EFCAB5: variants seen among roughly 807,000 people sequenced by gnomAD.
The protein encoded by EFCAB5 is EF-hand calcium binding domain 5, also known as EF-hand calcium-binding domain-containing protein 5.
EFCAB5 carries 131 observed loss-of-function variants against 167.9 expected under a neutral mutation model. That is an observed-to-expected ratio of 0.78 (90% CI 0.68 to 0.90). The LOEUF is 0.90. Ranked by LOEUF, EFCAB5 falls within the 40% of genes least tolerant of loss-of-function variation. EFCAB5 has a pLI of 0.00. For synonymous variants in EFCAB5, 574 were observed against 602.8 expected (o/e 0.95, Z 0.70); for missense variants, 1,663 against 1,745.2 (o/e 0.95, Z 0.84).
chr17:30,016,101 T>C (rs2069034374), intron 7 of EFCAB5, among the ~76,000 whole-genome samples: 1 of 152,240 alleles, frequency 6.6e-6, no homozygotes, highest in Admixed American at 6.5e-5. Context: ...GGATCATAAC[T>C]GTTCTTTATA....
chr17:30,020,391 G>T lies in EFCAB5; in HGVS notation c.1045-13839G>T, dbSNP rs1335183664. 9.8e-5 allele frequency among the ~76,000 whole-genome samples: 14 copies of T among 142,628 alleles called. No individual in the cohort carries two copies. In the Admixed American group the frequency reaches 1.0e-3, roughly 10 times the overall value. The allele number at this position is 142,628 out of a possible 152,430, so 93.6% of individuals were successfully genotyped here. Reference sequence around the variant, plus strand: ...TTTTCTTTTTTTTTTTTGAGACAGAGTCTCTCTCTGTTGCCCAGGCTTGAA... The same window carrying T: ...TTTTCTTTTTTTTTTTTGAGACAGATTCTCTCTCTGTTGCCCAGGCTTGAA... On this transcript the variant is annotated intron_variant, in intron 7 of 22. Coordinates refer to ENST00000394835, the MANE Select transcript of EFCAB5 (RefSeq NM_198529.4).
chr17:30,053,240 T>C lies in EFCAB5; in HGVS notation c.1301-15T>C. The C allele has an allele frequency of 2.6e-6, 4 of 1,568,170 alleles. No individual in the cohort carries two copies. The highest frequency in any genetic ancestry group is 3.5e-6 in the Non-Finnish European group (4 of 1,158,946). ...AGATCAATGGTTTAAGTGAATATTT[T>C]GTTTTCTGCATTAGGGCCATTCATT... On this transcript the variant is annotated splice_polypyrimidine_tract_variant and intron_variant, in intron 9 of 22. Coordinates refer to ENST00000394835, the MANE Select transcript of EFCAB5 (RefSeq NM_198529.4).
At chr17:30,099,428 TA>T (rs56120836) in intron 22 of EFCAB5, among the ~76,000 whole-genome samples, 378 of 149,780 alleles carry the variant, frequency 2.5e-3, no homozygotes, top group African/African-American at 8.0e-3. Flanking sequence ...CTTAATCTCT[TA>T]AAAAAAAAAA....
intron 14 of EFCAB5, among the ~76,000 whole-genome samples, chr17:30,061,584 C>A (rs1025746660): frequency 6.6e-6 from 1 of 151,766 alleles, no homozygotes; most frequent in Non-Finnish European, 1.5e-5. Context: ...CCCTCCCCAC[C>A]TTTTTTTTAG....
Position 29,993,219 on chromosome 17 carries a change from A to G in EFCAB5, c.822A>G (p.Ile274Met). Residue 274 changes from isoleucine to methionine, a missense_variant, in exon 5 of 23, where the codon ATA becomes ATG. Ile to Met is a conservative substitution (Grantham distance 10). Coordinates refer to ENST00000394835, the MANE Select transcript of EFCAB5 (RefSeq NM_198529.4). ...AGAATAGAAAACAAAGAGAAAGCAT[A>G]GACAAAATCATAGTCAAGGTGGCCA... The part of the protein sequence containing the change: ...VKQNRKQRES[I>M]DKIIVKVANT... 1 of 1,613,774 alleles carries G rather than the reference A, an allele frequency of 6.2e-7. No individual in the cohort carries two copies. The highest frequency in any genetic ancestry group is 8.5e-7 in the Non-Finnish European group (1 of 1,179,774).
rs558823437 is a variant in EFCAB5, at chr17:30,089,110, G to GC, written c.3684-1307dup. The stretch of plus-strand genomic sequence containing the variant: ...CCCCCTTCCCTCCACCCCACGACAG[G>GC]CCCCGGTGTGTGATGTTCCCCACCC... On this transcript the variant is annotated intron_variant, in intron 19 of 22. Transcript: ENST00000394835. 9.0e-4 allele frequency among the ~76,000 whole-genome samples: 136 copies of GC among 151,950 alleles called. 1 individual carries two copies. Among genetic ancestry groups the GC allele is most frequent in the Middle Eastern group, 3.4e-3 (1 of 294 alleles).
At chr17:29,967,657 C>T (rs568750240) in intron 3 of EFCAB5, among the ~76,000 whole-genome samples, 60 of 152,134 alleles carry the variant, frequency 3.9e-4, no homozygotes, top group Non-Finnish European at 5.0e-4. Flanking sequence ...AGTATTCTTG[C>T]GCATTTTTTA....
intron 14 of EFCAB5, chr17:30,069,468 T>C (rs2070670557): frequency 7.0e-6 from 11 of 1,580,484 alleles, no homozygotes; most frequent in Non-Finnish European, 6.1e-6. Flanking sequence ...GAAGCTGAGA[T>C]TGATGGCGTT....
At chr17:30,085,948 T>C (rs2071081890) in intron 18 of EFCAB5, among the ~76,000 whole-genome samples, 1 of 152,264 alleles carries the variant, frequency 6.6e-6, no homozygotes, top group African/African-American at 2.4e-5. Flanking sequence ...ATGCAGCCCC[T>C]ATGGATCCTC....
upstream of EFCAB5, among the ~76,000 whole-genome samples, chr17:29,938,501 A>G (rs554103097): frequency 6.6e-6 from 1 of 152,236 alleles, no homozygotes; most frequent in East Asian, 1.9e-4. Flanking sequence ...TGTCTTGGAT[A>G]ATTTCTCTGT....
chr17:30,099,242 G>A (rs1445678996), intron 22 of EFCAB5, among the ~76,000 whole-genome samples: 1 of 152,062 alleles, frequency 6.6e-6, no homozygotes, highest in African/African-American at 2.4e-5. Flanking sequence ...TTTAAAGATT[G>A]CTGTTGACAG....
rs776472035 is a variant in EFCAB5, at chr17:30,057,739, A to G, written c.2429A>G (p.Asn810Ser). The change falls in exon 13 of 23, where the codon AAT becomes AGT. Residue 810 changes from asparagine to serine, a missense_variant. Coordinates refer to ENST00000394835, the MANE Select transcript of EFCAB5 (RefSeq NM_198529.4). ...GAGGTAAAAGGCAGAACTGCCTTCA[A>G]TGGAGTTTCATTCAATCTGCTCCAG... ...CKEVKGRTAF[N>S]GVSFNLLQFV... 1 of 1,613,852 alleles carries G rather than the reference A, an allele frequency of 6.2e-7. No homozygotes were observed. Among genetic ancestry groups the G allele is most frequent in the Non-Finnish European group, 8.5e-7 (1 of 1,179,768 alleles).
chr17:30,003,047 T>C (rs1392312177), intron 7 of EFCAB5, among the ~76,000 whole-genome samples: 1 of 149,564 alleles, frequency 6.7e-6, no homozygotes, highest in East Asian at 2.0e-4. Context: ...TCCCACATGT[T>C]GCTGAGACTC....
intron 14 of EFCAB5, chr17:30,069,618 A>G (rs2070676415): frequency 1.9e-6 from 3 of 1,612,298 alleles, no homozygotes; most frequent in Non-Finnish European, 2.5e-6. Flanking sequence ...CTCTTCCTCG[A>G]CTGGTACCAC....
chr17:30,057,965 G>T, intron 13 of EFCAB5, 75 bp downstream of exon 13: 1 of 1,346,012 alleles, frequency 7.4e-7, no homozygotes, highest in African/African-American at 1.5e-5. Context: ...AGTTGCTCCC[G>T]ATGTGGCTCG....
intron 22 of EFCAB5, among the ~76,000 whole-genome samples, chr17:30,105,342 C>T (rs1449534362): frequency 3.3e-5 from 5 of 151,990 alleles, no homozygotes; most frequent in African/African-American, 1.2e-4. Context: ...TAAAAATTAG[C>T]CAGGCCTGGT....
intron 7 of EFCAB5, among the ~76,000 whole-genome samples, chr17:30,025,876 G>A (rs2069306510): frequency 6.6e-6 from 1 of 152,014 alleles, no homozygotes; most frequent in Admixed American, 6.6e-5. Flanking sequence ...GTAGGGACAT[G>A]GATGAAATTG....
chr17:29,953,034 G>T (rs554302093), intron 3 of EFCAB5, among the ~76,000 whole-genome samples: 4 of 152,038 alleles, frequency 2.6e-5, no homozygotes, highest in African/African-American at 7.2e-5. Flanking sequence ...AGTTTACCTG[G>T]CCAGAACAAT....
At chr17:30,071,976 G>T (rs1383546991) in intron 14 of EFCAB5, among the ~76,000 whole-genome samples, 2 of 152,172 alleles carry the variant, frequency 1.3e-5, no homozygotes, top group Non-Finnish European at 2.9e-5. Flanking sequence ...GTAGAATAGT[G>T]ATTACTAGAG....
Sources: gnomAD v4.1 joint callset for allele counts (sites outside exome capture counted in the v4.1 genomes callset) on GRCh38, gnomAD v4.1.1 for gene constraint, MANE v1.5 for transcripts, NCBI Gene and HGNC (gene_info 2026-07-23, HGNC 2026-07-21) for gene names.